The following SGCD variants were observed in gnomAD, a reference collection of about 807,000 sequenced individuals.
SGCD encodes sarcoglycan delta.
A neutral mutation model predicts 36.6 loss-of-function variants in SGCD; 18 were observed. The observed-to-expected ratio is 0.49, with a 90% CI of 0.34 to 0.73. SGCD has a LOEUF of 0.73. SGCD is among the 30% of genes least tolerant of loss of function. SGCD has a pLI of 0.01. For synonymous variants in SGCD, 133 were observed against 130.6 expected, an observed-to-expected ratio of 1.02 and a Z score of -0.12; for missense variants, 387 against 346.7, an observed-to-expected ratio of 1.12 and a Z score of -0.92.
At chr5:155,744,760 A>G in the SGCD span, among the ~76,000 whole-genome samples, 132,270 of 152,186 alleles carry the variant, frequency 0.87, 57,627 homozygotes, top group East Asian at 0.99. Context: ...GAAAGGATAA[A>G]CTGAAAAGTT....
At chr5:156,000,495 T>C (rs936213981) in intron 1 of SGCD, among the ~76,000 whole-genome samples, 1 of 152,186 alleles carries the variant, frequency 6.6e-6, no homozygotes, top group Non-Finnish European at 1.5e-5. Flanking sequence ...CTTTCAACTT[T>C]TAAAAGAAAT....
chr5:155,928,491 A>T (rs1437029113), intron 1 of SGCD, among the ~76,000 whole-genome samples: 1 of 151,988 alleles, frequency 6.6e-6, no homozygotes, highest in Non-Finnish European at 1.5e-5. Context: ...AACATGGTGA[A>T]ATCCAGTCTC....
upstream of SGCD, among the ~76,000 whole-genome samples, chr5:155,867,891 C>G (rs1483662196): frequency 2.6e-5 from 4 of 152,132 alleles, no homozygotes; most frequent in Non-Finnish European, 4.4e-5. Context: ...TAAGGTCATA[C>G]AGTTAGGAAG....
the SGCD span, among the ~76,000 whole-genome samples, chr5:155,864,514 G>A: frequency 6.6e-6 from 1 of 151,898 alleles, no homozygotes; most frequent in Admixed American, 6.6e-5. Flanking sequence ...AAAAAAGGAG[G>A]GCTAGGTTAT....
intron 1 of SGCD, among the ~76,000 whole-genome samples, chr5:156,070,223 ACG>A (rs1049966068): frequency 7.9e-5 from 12 of 151,718 alleles, no homozygotes; most frequent in African/African-American, 2.7e-4. Flanking sequence ...TTCAAAGGGA[ACG>A]CTTCCAGTTT....
chr5:156,271,676 C>G (rs1346966306), intron 3 of SGCD, among the ~76,000 whole-genome samples: 1 of 151,726 alleles, frequency 6.6e-6, no homozygotes, highest in Non-Finnish European at 1.5e-5. Flanking sequence ...TTTTTTTCAC[C>G]AAGGACAGCA....
intron 3 of SGCD, among the ~76,000 whole-genome samples, chr5:156,235,320 T>A (rs534046302): frequency 6.6e-6 from 1 of 152,318 alleles, no homozygotes; most frequent in Admixed American, 6.5e-5. Context: ...ATCATGTGAC[T>A]TTGGGATAAT....
At chr5:156,217,225 G>T (rs909082333) in intron 3 of SGCD, among the ~76,000 whole-genome samples, 1 of 152,192 alleles carries the variant, frequency 6.6e-6, no homozygotes, top group Non-Finnish European at 1.5e-5. Context: ...AGTGAAATTT[G>T]TTGTAAATAT....
intron 1 of SGCD, among the ~76,000 whole-genome samples, chr5:156,028,852 C>G (rs1327223838): frequency 6.6e-6 from 1 of 152,110 alleles, no homozygotes; most frequent in Non-Finnish European, 1.5e-5. Context: ...CCTACTGTTG[C>G]TTGTCAAAGA....
intron 4 of SGCD, among the ~76,000 whole-genome samples, chr5:156,534,361 C>T (rs1199967087): frequency 7.2e-5 from 11 of 152,126 alleles, no homozygotes; most frequent in Admixed American, 4.6e-4. Flanking sequence ...TTTGCCATTT[C>T]CTAATCTACC....
At chr5:156,309,543 A>G (rs1767330842) in intron 3 of SGCD, among the ~76,000 whole-genome samples, 1 of 147,280 alleles carries the variant, frequency 6.8e-6, no homozygotes, top group Admixed American at 6.7e-5. Context: ...TAATATTTCT[A>G]TTTTGTTCAT....
At chr5:156,700,802 G>T (rs1410418571) in intron 7 of SGCD, among the ~76,000 whole-genome samples, 4 of 151,988 alleles carry the variant, frequency 2.6e-5, no homozygotes, top group Non-Finnish European at 5.9e-5. Flanking sequence ...AATTAGCCAG[G>T]TGTAGTGGCA....
Position 156,760,108 on chromosome 5 carries a change from T to A in SGCD, c.*718T>A, listed in dbSNP as rs992667886. Reference sequence around the variant, plus strand: ...TCTTGCTCCCTCCAAACTCACAGATTCTCCTACAGTCAAATTAGGAGCTGT... The same window carrying A: ...TCTTGCTCCCTCCAAACTCACAGATACTCCTACAGTCAAATTAGGAGCTGT... On this transcript the variant is annotated 3_prime_UTR_variant, in exon 9 of 9. Transcript: ENST00000337851. 4 of 152,130 alleles carry A rather than the reference T, an allele frequency of 2.6e-5. No individual in the cohort carries two copies. Among genetic ancestry groups the A allele is most frequent in the African/African-American group, 9.7e-5 (4 of 41,424 alleles). The allele number at this position is 152,130 out of a possible 1,614,324, so 9.4% of individuals were successfully genotyped here. A position where few individuals can be genotyped will look rare whatever the true frequency, so the allele number is the denominator to read the frequency against.
At chr5:156,343,394 G>GA (rs1424590385) in intron 2 of SGCD, among the ~76,000 whole-genome samples, 1 of 152,228 alleles carries the variant, frequency 6.6e-6, no homozygotes, top group East Asian at 1.9e-4. Flanking sequence ...ACAGAGTAGA[G>GA]ATGCTGTGCT....
At chr5:156,150,223 A>G (rs1163444343) in intron 3 of SGCD, among the ~76,000 whole-genome samples, 1 of 147,860 alleles carries the variant, frequency 6.8e-6, no homozygotes, top group Admixed American at 6.6e-5. Flanking sequence ...TCACCACACC[A>G]GCAACTAAAG....
chr5:156,252,705 T>C (rs1034279462), intron 3 of SGCD, among the ~76,000 whole-genome samples: 8 of 152,204 alleles, frequency 5.3e-5, no homozygotes, highest in Admixed American at 2.6e-4. Flanking sequence ...GGGAATTTCT[T>C]TGAAGTCTAG....
the SGCD span, among the ~76,000 whole-genome samples, chr5:155,844,122 A>G: frequency 6.6e-6 from 1 of 151,590 alleles, no homozygotes; most frequent in Non-Finnish European, 1.5e-5. Context: ...GGGGAAAAAA[A>G]AACAATCAGC....
chr5:156,472,964 T>C (rs924165587), intron 3 of SGCD, among the ~76,000 whole-genome samples: 4 of 152,172 alleles, frequency 2.6e-5, no homozygotes, highest in African/African-American at 9.7e-5. Flanking sequence ...ATCAAAATGT[T>C]ATAATCTATG....
chr5:155,925,499 C>G (rs1756977741), intron 1 of SGCD, among the ~76,000 whole-genome samples: 1 of 152,200 alleles, frequency 6.6e-6, no homozygotes, highest in South Asian at 2.1e-4. Context: ...CACTCCTTGG[C>G]TTGTGGTAGC....
Sources: allele counts gnomAD v4.1 joint callset (sites outside exome capture counted in the v4.1 genomes callset), GRCh38; gene constraint gnomAD v4.1.1; transcripts MANE v1.5; gene names NCBI Gene and HGNC (gene_info 2026-07-23, HGNC 2026-07-21).